RBFOX1: variants seen among roughly 807,000 people sequenced by gnomAD.
The protein encoded by RBFOX1 is RNA binding fox-1 homolog 1.
RBFOX1 carries 8 observed loss-of-function variants against 57.7 expected under a neutral mutation model. That is an observed-to-expected ratio of 0.14 (90% confidence interval 0.08 to 0.25). The LOEUF is 0.25. Among genes scored for constraint, RBFOX1 ranks in the 10% least tolerant of loss-of-function variants. The pLI, the probability that RBFOX1 is intolerant of heterozygous loss-of-function variation, is 1.00. For missense variants in RBFOX1, 611 were observed against 548.5 expected, an observed-to-expected ratio of 1.11 and a Z score of -1.14; for synonymous variants, 326 against 222.4, an observed-to-expected ratio of 1.47 and a Z score of -4.15.
chr16:5,846,053 A>G (rs1018913778), intron 3 of RBFOX1, among the ~76,000 whole-genome samples: 4 of 152,082 alleles, frequency 2.6e-5, no homozygotes, highest in Admixed American at 6.5e-5. Flanking sequence ...GGTGCCTGTA[A>G]TCCCAGTAAT....
intron 4 of RBFOX1, among the ~76,000 whole-genome samples, chr16:7,225,811 A>C (rs2093063283): frequency 6.7e-6 from 1 of 148,382 alleles, no homozygotes; most frequent in Admixed American, 6.7e-5. Context: ...GTAAATGACG[A>C]GTTAATGGGT....
At chr16:7,702,667 C>T (rs976861974) in intron 14 of RBFOX1, among the ~76,000 whole-genome samples, 1 of 152,196 alleles carries the variant, frequency 6.6e-6, no homozygotes, top group Admixed American at 6.5e-5. Flanking sequence ...CCAATATTGG[C>T]TGTGACTCCT....
At chr16:5,793,783 G>T (rs1301091197) in intron 3 of RBFOX1, among the ~76,000 whole-genome samples, 1 of 152,198 alleles carries the variant, frequency 6.6e-6, no homozygotes, top group Non-Finnish European at 1.5e-5. Flanking sequence ...GTATGTGCAT[G>T]TGCATGTGTG....
intron 3 of RBFOX1, among the ~76,000 whole-genome samples, chr16:5,634,031 C>T (rs2048604840): frequency 6.6e-6 from 1 of 152,172 alleles, no homozygotes; most frequent in East Asian, 1.9e-4. Context: ...TCCTCTACTG[C>T]CATCTAGAGG....
chr16:7,079,733 G>A (rs1368239874), intron 4 of RBFOX1, among the ~76,000 whole-genome samples: 1 of 152,082 alleles, frequency 6.6e-6, no homozygotes, highest in East Asian at 1.9e-4. Flanking sequence ...TTAAGCTCTT[G>A]TCTTGATCTA....
At chr16:7,514,522 G>A (rs1350295500) in intron 4 of RBFOX1, among the ~76,000 whole-genome samples, 4 of 152,190 alleles carry the variant, frequency 2.6e-5, no homozygotes, top group Admixed American at 2.0e-4. Flanking sequence ...GCTTGGTGCT[G>A]TGTGAGCTGT....
At position 5,632,229 on chromosome 16, in the gene RBFOX1, A is replaced by G. The variant is rs1216288893; in HGVS notation, c.318+33268A>G. Reference sequence around the variant, plus strand: ...ATTATTCTGTATTAGAGACGATGTCATGAGACAACTAGCCACAGTCTGATG... The same window carrying G: ...ATTATTCTGTATTAGAGACGATGTCGTGAGACAACTAGCCACAGTCTGATG... On this transcript the variant is annotated intron_variant, in intron 3 of 19. Coordinates refer to the RBFOX1 transcript ENST00000641259. Among the ~76,000 whole-genome samples the G allele has an allele frequency of 2.6e-5, 4 of 152,232 alleles. 1 individual carries two copies. The South Asian group carries it at 8.3e-4, about 32-fold the overall frequency.
At chr16:7,661,606 C>T (rs111987609) in intron 12 of RBFOX1, among the ~76,000 whole-genome samples, 1,891 of 152,310 alleles carry the variant, frequency 0.012, 23 homozygotes, top group Non-Finnish European at 0.017. Context: ...TGTGATTCTA[C>T]AGTTTTATGC....
chr16:5,516,928 C>T (rs1458825371), intron 2 of RBFOX1, among the ~76,000 whole-genome samples: 1 of 152,108 alleles, frequency 6.6e-6, no homozygotes, highest in Non-Finnish European at 1.5e-5. Flanking sequence ...TATAAATTCC[C>T]CAGTCTCAGG....
chr16:5,294,904 C>G (rs896335879), intron 1 of RBFOX1, among the ~76,000 whole-genome samples: 1 of 150,644 alleles, frequency 6.6e-6, no homozygotes, highest in Non-Finnish European at 1.5e-5. Flanking sequence ...GTGGTGCACG[C>G]CTTTGATCCC....
chr16:5,975,791 A>G (rs767494764), intron 4 of RBFOX1, among the ~76,000 whole-genome samples: 16 of 152,336 alleles, frequency 1.1e-4, no homozygotes, highest in East Asian at 1.9e-4. Flanking sequence ...GTATAATTCA[A>G]TGAGATATTG....
At chr16:7,303,100 G>A (rs912641988) in intron 4 of RBFOX1, among the ~76,000 whole-genome samples, 14 of 152,210 alleles carry the variant, frequency 9.2e-5, no homozygotes, top group African/African-American at 2.9e-4. Context: ...GTCGCCCCGA[G>A]CTGGCACGTT....
intron 5 of RBFOX1, among the ~76,000 whole-genome samples, chr16:7,566,584 C>T (rs879763390): frequency 5.3e-5 from 8 of 152,156 alleles, no homozygotes; most frequent in Middle Eastern, 6.8e-3. Flanking sequence ...GTTGTTATGG[C>T]GACTCGGTAA....
chr16:7,015,171 C>G (rs958471797), intron 3 of RBFOX1, among the ~76,000 whole-genome samples: 1 of 152,082 alleles, frequency 6.6e-6, no homozygotes, highest in African/African-American at 2.4e-5. Context: ...TCTCAGTAGT[C>G]TGGATTTGTT....
chr16:6,988,193 A>C (rs2090706676), intron 3 of RBFOX1, among the ~76,000 whole-genome samples: 1 of 152,340 alleles, frequency 6.6e-6, no homozygotes, highest in South Asian at 2.1e-4. Flanking sequence ...TCCTAATGGT[A>C]AATCTCCCCC....
At chr16:6,882,401 C>A (rs890881241) in intron 3 of RBFOX1, among the ~76,000 whole-genome samples, 11 of 152,136 alleles carry the variant, frequency 7.2e-5, no homozygotes, top group African/African-American at 2.4e-4. Context: ...CTCTTCCCAG[C>A]CTGGCCAACA....
chr16:5,428,803 A>AT (rs1408570267), intron 1 of RBFOX1, among the ~76,000 whole-genome samples: 1 of 152,104 alleles, frequency 6.6e-6, no homozygotes, highest in Non-Finnish European at 1.5e-5. Flanking sequence ...ATGACATATG[A>AT]TTTTTTTGGG....
intron 4 of RBFOX1, among the ~76,000 whole-genome samples, chr16:7,237,352 C>T (rs958771273): frequency 6.6e-6 from 1 of 152,124 alleles, no homozygotes; most frequent in Non-Finnish European, 1.5e-5. Context: ...TTTGGCCATG[C>T]CCTTAATTGA....
intron 13 of RBFOX1, among the ~76,000 whole-genome samples, chr16:7,675,954 C>A (rs559434055): frequency 2.0e-5 from 3 of 152,194 alleles, no homozygotes; most frequent in Non-Finnish European, 4.4e-5. Context: ...TGATCATCAA[C>A]GCTCCACTGA....
Sources: allele counts gnomAD v4.1 joint callset (sites outside exome capture counted in the v4.1 genomes callset), GRCh38; gene constraint gnomAD v4.1.1; transcripts MANE v1.5; gene names NCBI Gene and HGNC (gene_info 2026-07-23, HGNC 2026-07-21).